Variants in AFG2A observed in about 807,000 individuals in gnomAD.
AFG2A encodes the protein ATPase family gene 2 protein homolog A.
At chr4:123,225,097 A>G in the AFG2A span, among the ~76,000 whole-genome samples, 2 of 151,728 alleles carry the variant, frequency 1.3e-5, no homozygotes, top group East Asian at 1.9e-4. Context: ...GTTCATTGTA[A>G]ATTCTGGATA....
the AFG2A span, among the ~76,000 whole-genome samples, chr4:123,115,107 T>A: frequency 6.6e-6 from 1 of 152,142 alleles, no homozygotes; most frequent in South Asian, 2.1e-4. Flanking sequence ...CCTTGCAGCC[T>A]GGAGCAGGGC....
At chr4:123,180,978 C>CTTTTTTTTTTT in the AFG2A span, among the ~76,000 whole-genome samples, 5 of 118,366 alleles carry the variant, frequency 4.2e-5, no homozygotes, top group African/African-American at 6.1e-5. Flanking sequence ...TCCTCCCCCT[C>CTTTTTTTTTTT]TTTTTTTTTT....
chr4:122,933,140 C>T, the AFG2A span, among the ~76,000 whole-genome samples: 1 of 152,146 alleles, frequency 6.6e-6, no homozygotes, highest in Non-Finnish European at 1.5e-5. Flanking sequence ...CCCTGCATTT[C>T]TTATTCTATT....
the AFG2A span, among the ~76,000 whole-genome samples, chr4:123,164,854 C>A: frequency 6.6e-6 from 1 of 152,070 alleles, no homozygotes; most frequent in Non-Finnish European, 1.5e-5. Context: ...TATGATGGTA[C>A]TAAAGCAAAC....
chr4:123,015,435 C>G, the AFG2A span, among the ~76,000 whole-genome samples: 2 of 152,094 alleles, frequency 1.3e-5, no homozygotes, highest in African/African-American at 4.8e-5. Context: ...GCACATCTTG[C>G]ACCACCATTA....
At chr4:123,081,713 A>G in the AFG2A span, among the ~76,000 whole-genome samples, 1 of 152,054 alleles carries the variant, frequency 6.6e-6, no homozygotes, top group Non-Finnish European at 1.5e-5. Context: ...TATTTTTGGA[A>G]CTTCCAAACT....
chr4:123,069,353 G>A, the AFG2A span, among the ~76,000 whole-genome samples: 1 of 152,164 alleles, frequency 6.6e-6, no homozygotes, highest in Non-Finnish European at 1.5e-5. Context: ...ACCTAAGTCA[G>A]TAGGTTCCAA....
chr4:123,107,031 C>T, the AFG2A span, among the ~76,000 whole-genome samples: 1 of 152,182 alleles, frequency 6.6e-6, no homozygotes, highest in African/African-American at 2.4e-5. Context: ...ACACATCTTC[C>T]ACTCTGTGCA....
At chr4:122,974,864 T>C in the AFG2A span, among the ~76,000 whole-genome samples, 1 of 152,100 alleles carries the variant, frequency 6.6e-6, no homozygotes, top group Non-Finnish European at 1.5e-5. Context: ...GGTCTCGAAC[T>C]CTTGATCTCA....
the AFG2A span, among the ~76,000 whole-genome samples, chr4:123,033,112 C>G: frequency 1.3e-5 from 2 of 152,096 alleles, 1 homozygote; most frequent in South Asian, 4.2e-4. Flanking sequence ...TTTAAAAATT[C>G]CAAATTCATC....
the AFG2A span, chr4:122,929,219 A>G: frequency 6.5e-7 from 1 of 1,550,312 alleles, no homozygotes; most frequent in Non-Finnish European, 8.7e-7. Flanking sequence ...TTCTTTGGTG[A>G]CTATCTGGAT....
the AFG2A span, among the ~76,000 whole-genome samples, chr4:123,197,939 A>C: frequency 6.6e-6 from 1 of 152,074 alleles, no homozygotes; most frequent in East Asian, 1.9e-4. Flanking sequence ...TAATAGAAAC[A>C]GATTTTGAAG....
At chr4:122,978,826 G>T in the AFG2A span, among the ~76,000 whole-genome samples, 2 of 152,364 alleles carry the variant, frequency 1.3e-5, no homozygotes, top group African/African-American at 4.8e-5. Context: ...CATGACAGTG[G>T]CTTGGCTCAG....
the AFG2A span, among the ~76,000 whole-genome samples, chr4:123,015,544 C>T: frequency 6.6e-5 from 10 of 151,618 alleles, no homozygotes; most frequent in Admixed American, 6.6e-4. Context: ...AAGAATTTTT[C>T]TTAGTACAGA....
At chr4:123,253,079 C>A in the AFG2A span, among the ~76,000 whole-genome samples, 2 of 152,196 alleles carry the variant, frequency 1.3e-5, no homozygotes. Context: ...GTGACTCACA[C>A]CTGTAATCTC....
the AFG2A span, among the ~76,000 whole-genome samples, chr4:122,983,598 T>A: frequency 6.6e-6 from 1 of 152,288 alleles, no homozygotes; most frequent in East Asian, 1.9e-4. Context: ...AATTTCCAGA[T>A]ATTTGTGGAT....
the AFG2A span, among the ~76,000 whole-genome samples, chr4:123,199,669 G>A: frequency 2.0e-5 from 3 of 151,646 alleles, no homozygotes; most frequent in East Asian, 1.9e-4. Context: ...ACGGGGTTTC[G>A]CCATGTTGGC....
the AFG2A span, among the ~76,000 whole-genome samples, chr4:123,104,440 A>G: frequency 6.6e-6 from 1 of 152,158 alleles, no homozygotes; most frequent in Non-Finnish European, 1.5e-5. Flanking sequence ...ATGCCAAAGA[A>G]TAACCCTACA....
chr4:123,220,069 C>A, the AFG2A span, among the ~76,000 whole-genome samples: 420 of 152,056 alleles, frequency 2.8e-3, 1 homozygote, highest in African/African-American at 9.6e-3. Context: ...CGGGGTTTCA[C>A]CATGTTGGCC....
Sources: gnomAD v4.1 joint callset for allele counts (sites outside exome capture counted in the v4.1 genomes callset) on GRCh38, gnomAD v4.1.1 for gene constraint, MANE v1.5 for transcripts, NCBI Gene and HGNC (gene_info 2026-07-23, HGNC 2026-07-21) for gene names.